The following CHN2 variants were observed in gnomAD, a reference collection of about 807,000 sequenced individuals.
The protein encoded by CHN2 is chimerin 2.
CHN2 carries 35 observed loss-of-function variants against 56.3 expected under a neutral mutation model. That is an observed-to-expected ratio of 0.62 (90% CI 0.47 to 0.82). CHN2 has a LOEUF of 0.82. Ranked by LOEUF, CHN2 falls within the 40% of genes least tolerant of loss-of-function variation. The probability of loss-of-function intolerance (pLI) is 0.00; values close to 1 mark genes in which losing one functional copy is unlikely to be tolerated. For missense variants in CHN2, 491 were observed against 580.5 expected, an observed-to-expected ratio of 0.85 and a Z score of 1.58; for synonymous variants, 210 against 212.8, an observed-to-expected ratio of 0.99 and a Z score of 0.12.
At chr7:29,386,401 G>A (rs1345917483) in intron 3 of CHN2, among the ~76,000 whole-genome samples, 1 of 152,186 alleles carries the variant, frequency 6.6e-6, no homozygotes, top group Non-Finnish European at 1.5e-5. Context: ...GCTGCCCTGT[G>A]TAGGAGGCTG....
At chr7:29,205,307 G>A (rs1266888682) in intron 1 of CHN2, among the ~76,000 whole-genome samples, 1 of 152,054 alleles carries the variant, frequency 6.6e-6, no homozygotes, top group Admixed American at 6.6e-5. Context: ...GAATTAATGT[G>A]GGTTCATTGG....
At chr7:29,172,694 A>G (rs966096254) in intron 2 of CHN2, among the ~76,000 whole-genome samples, 2 of 152,202 alleles carry the variant, frequency 1.3e-5, no homozygotes, top group Admixed American at 1.3e-4. Context: ...TTTTTGACAT[A>G]CAGTCATCTG....
rs779101892 is a variant in CHN2 at position 29,503,328 on chromosome 7, G to C, written c.914-1416G>C. Among the ~76,000 whole-genome samples, 51 of 152,212 alleles carry C rather than the reference G, an allele frequency of 3.4e-4. 1 individual carries two copies. The highest frequency in any genetic ancestry group is 2.0e-4 in the Admixed American group (3 of 15,286). On this transcript the variant is annotated intron_variant, in intron 9 of 12. Coordinates refer to ENST00000222792, the MANE Select transcript of CHN2 (RefSeq NM_004067.4). ...ATGAGCCAGAAAGAGAGCCTCACCA[G>C]AGGCCAGAACTTTGATTCATCCATC...
At chr7:29,301,811 T>C (rs1793692172) in intron 1 of CHN2, among the ~76,000 whole-genome samples, 1 of 152,228 alleles carries the variant, frequency 6.6e-6, no homozygotes, top group African/African-American at 2.4e-5. Context: ...CCCCTTTCTC[T>C]TCAAATAGGT....
intron 6 of CHN2, among the ~76,000 whole-genome samples, chr7:29,466,466 G>A (rs1785562708): frequency 6.6e-6 from 1 of 152,046 alleles, no homozygotes; most frequent in Non-Finnish European, 1.5e-5. Context: ...AGTTCTCTTG[G>A]CTAAAGATGA....
intron 6 of CHN2, among the ~76,000 whole-genome samples, chr7:29,407,569 A>G (rs907466799): frequency 2.0e-5 from 3 of 152,196 alleles, no homozygotes; most frequent in Non-Finnish European, 1.5e-5. Flanking sequence ...TGTAACTGAC[A>G]TACCCAGTCT....
At chr7:29,177,485 C>T (rs1797505188) in intron 2 of CHN2, among the ~76,000 whole-genome samples, 1 of 151,882 alleles carries the variant, frequency 6.6e-6, no homozygotes, top group African/African-American at 2.4e-5. Context: ...AACTCCTGAC[C>T]TCAAGTCATC....
At chr7:29,377,956 C>G (rs1456100823) in intron 3 of CHN2, among the ~76,000 whole-genome samples, 1 of 152,214 alleles carries the variant, frequency 6.6e-6, no homozygotes, top group East Asian at 1.9e-4. Flanking sequence ...CCATCCAGCA[C>G]CTTGCGTCCT....
chr7:29,253,443 A>T (rs1045510762), intron 1 of CHN2, among the ~76,000 whole-genome samples: 1 of 152,004 alleles, frequency 6.6e-6, no homozygotes, highest in Admixed American at 6.5e-5. Context: ...ATGACCACTA[A>T]TAAATGTGAG....
intron 1 of CHN2, among the ~76,000 whole-genome samples, chr7:29,278,381 T>A (rs1261155198): frequency 6.6e-6 from 1 of 151,674 alleles, no homozygotes; most frequent in Non-Finnish European, 1.5e-5. Flanking sequence ...TCTGCCTTCG[T>A]AGAGCAAAAG....
intron 1 of CHN2, chr7:29,212,264 C>T: frequency 1.0e-6 from 1 of 953,434 alleles, no homozygotes. Flanking sequence ...TTCCAGTCCA[C>T]CTCTTAAATT....
At chr7:29,386,196 C>T (rs997660640) in intron 3 of CHN2, among the ~76,000 whole-genome samples, 3 of 152,178 alleles carry the variant, frequency 2.0e-5, no homozygotes, top group Non-Finnish European at 2.9e-5. Flanking sequence ...ACTTTGACTA[C>T]AAGAGTGTAA....
chr7:29,455,616 A>G (rs1235475574), intron 6 of CHN2, among the ~76,000 whole-genome samples: 2 of 152,198 alleles, frequency 1.3e-5, no homozygotes, highest in Non-Finnish European at 2.9e-5. Context: ...TCTTACAAGT[A>G]TTATTTTTAA....
chr7:29,386,280 C>T (rs1450261814), intron 3 of CHN2, among the ~76,000 whole-genome samples: 2 of 152,120 alleles, frequency 1.3e-5, no homozygotes, highest in Non-Finnish European at 2.9e-5. Flanking sequence ...AAGGAATTAT[C>T]TGTATTTATT....
chr7:29,414,833 C>T (rs960093886), intron 6 of CHN2, among the ~76,000 whole-genome samples: 1 of 152,130 alleles, frequency 6.6e-6, no homozygotes, highest in African/African-American at 2.4e-5. Flanking sequence ...AATGTCCCTC[C>T]CCATTGCCTT....
At chr7:29,237,171 A>G (rs967757874) in intron 1 of CHN2, among the ~76,000 whole-genome samples, 1 of 152,248 alleles carries the variant, frequency 6.6e-6, no homozygotes, top group Non-Finnish European at 1.5e-5. Context: ...TAACTCCAGG[A>G]TGGCCCTTTT....
At chr7:29,371,997 A>G (rs1799655083) in intron 3 of CHN2, among the ~76,000 whole-genome samples, 1 of 152,018 alleles carries the variant, frequency 6.6e-6, no homozygotes. Flanking sequence ...ACACACACAC[A>G]TACACACTCC....
chr7:29,154,449 C>A (rs544017795), intron 2 of CHN2, among the ~76,000 whole-genome samples: 119 of 152,262 alleles, frequency 7.8e-4, no homozygotes, highest in African/African-American at 2.8e-3. Context: ...TGAGCTCAAA[C>A]TGGATTCTTT....
At position 29,458,795 on chromosome 7, in the gene CHN2, G is replaced by A. The variant is rs146800668; in HGVS notation, c.577-21484G>A. Among the ~76,000 whole-genome samples the A allele has an allele frequency of 2.8e-3, 429 of 152,318 alleles. 2 individuals carry two copies. The highest frequency in any genetic ancestry group is 3.6e-3 in the Non-Finnish European group (244 of 68,020). On this transcript the variant is annotated intron_variant, in intron 6 of 12. Coordinates refer to ENST00000222792, the MANE Select transcript of CHN2 (RefSeq NM_004067.4). ...CACATTCTCTTGGCTATGTAAAAGC[G>A]TGCTTTAGTAGAGCAGACCCACCAA...
Sources: gnomAD v4.1 joint callset for allele counts (sites outside exome capture counted in the v4.1 genomes callset) on GRCh38, gnomAD v4.1.1 for gene constraint, MANE v1.5 for transcripts, NCBI Gene and HGNC (gene_info 2026-07-23, HGNC 2026-07-21) for gene names.